EFCAB5: variants seen among roughly 807,000 people sequenced by gnomAD.
EFCAB5 encodes the protein EF-hand calcium binding domain 5.
EFCAB5 carries 131 observed loss-of-function variants against 167.9 expected under a neutral mutation model. That is an observed-to-expected ratio of 0.78 (90% confidence interval 0.68 to 0.90). The LOEUF is 0.90. Ranked by LOEUF, EFCAB5 falls within the 40% of genes least tolerant of loss-of-function variation. The pLI is 0.00. For missense variants in EFCAB5, 1,663 were observed against 1,745.2 expected (o/e 0.95, Z 0.84); for synonymous variants, 574 against 602.8 (o/e 0.95, Z 0.70).
At chr17:30,050,201 C>G (rs2070049276) in intron 8 of EFCAB5, among the ~76,000 whole-genome samples, 1 of 151,046 alleles carries the variant, frequency 6.6e-6, no homozygotes, top group African/African-American at 2.4e-5. Context: ...ATGGCATGAT[C>G]TCTGTTCACC....
intron 18 of EFCAB5, among the ~76,000 whole-genome samples, chr17:30,086,654 A>T (rs1421917381): frequency 6.6e-6 from 1 of 152,092 alleles, no homozygotes; most frequent in East Asian, 1.9e-4. Flanking sequence ...GCACTTTGGG[A>T]GGCCAAGGCA....
chr17:30,058,626 A>G (rs1165546232), intron 13 of EFCAB5, among the ~76,000 whole-genome samples: 1 of 152,174 alleles, frequency 6.6e-6, no homozygotes, highest in African/African-American at 2.4e-5. Flanking sequence ...AAATATAGTC[A>G]ATCTTAAATA....
intron 4 of EFCAB5, among the ~76,000 whole-genome samples, chr17:29,986,962 G>A (rs536693203): frequency 2.8e-4 from 42 of 152,040 alleles, no homozygotes; most frequent in Non-Finnish European, 2.5e-4. Context: ...TATTCATTTT[G>A]ATAAATACTG....
Position 30,082,390 on chromosome 17 carries a change from CTTTT to C in EFCAB5, c.3427-482_3427-479del, listed in dbSNP as rs71138871. ...TATGTGGGTCTCTCTCTTTATACCT[CTTTT>C]TTTTTTTTTTTTTTTTTTGTGAGAC... On this transcript the variant is annotated intron_variant, in intron 17 of 22. Coordinates refer to ENST00000394835, the MANE Select transcript of EFCAB5 (RefSeq NM_198529.4). Among the ~76,000 whole-genome samples the C allele has an allele frequency of 1.3e-4, 13 of 98,246 alleles. No homozygotes were observed. The South Asian group carries it at 2.5e-3, about 19-fold the overall frequency. The allele number at this position is 98,246 out of a possible 152,430, so 64.5% of individuals were successfully genotyped here.
chr17:30,104,818 G>A (rs2071427248), intron 22 of EFCAB5, among the ~76,000 whole-genome samples: 1 of 152,142 alleles, frequency 6.6e-6, no homozygotes. Flanking sequence ...GACACTTTCG[G>A]AGCTTCTGTC....
chr17:29,933,664 A>G (rs139359812), intron 1 of EFCAB5, among the ~76,000 whole-genome samples: 2 of 152,304 alleles, frequency 1.3e-5, no homozygotes, highest in African/African-American at 2.4e-5. Context: ...CTTAACTTGT[A>G]TCAATACTTC....
chr17:29,976,543 A>T (rs763784148), intron 4 of EFCAB5, among the ~76,000 whole-genome samples: 1 of 152,282 alleles, frequency 6.6e-6, no homozygotes, highest in South Asian at 2.1e-4. Context: ...CCTAATCCCT[A>T]TCGACTTAAA....
At chr17:29,932,312 G>A (rs569608471) in intron 1 of EFCAB5, among the ~76,000 whole-genome samples, 9 of 150,804 alleles carry the variant, frequency 6.0e-5, no homozygotes, top group South Asian at 2.1e-4. Flanking sequence ...CACCACACCC[G>A]GCTAGTTTTT....
chr17:29,944,785 G>A (rs771522826), intron 3 of EFCAB5, among the ~76,000 whole-genome samples: 16 of 151,736 alleles, frequency 1.1e-4, no homozygotes, highest in African/African-American at 3.4e-4. Flanking sequence ...CATCACACCC[G>A]GCTAAGTTTG....
intron 22 of EFCAB5, among the ~76,000 whole-genome samples, chr17:30,096,671 ATATATATTT>A (rs1476439424): frequency 2.6e-3 from 158 of 60,894 alleles, no homozygotes; most frequent in African/African-American, 0.01. Context: ...ATATATATAT[ATATATATTT>A]TTTTTTTTTT....
chr17:29,950,076 G>C (rs1391374051), intron 3 of EFCAB5, among the ~76,000 whole-genome samples: 1 of 152,116 alleles, frequency 6.6e-6, no homozygotes, highest in South Asian at 2.1e-4. Flanking sequence ...AACACAGTTT[G>C]AATTGCATGG....
At chr17:30,097,457 C>G (rs1236301075) in intron 22 of EFCAB5, among the ~76,000 whole-genome samples, 1 of 152,234 alleles carries the variant, frequency 6.6e-6, no homozygotes, top group Non-Finnish European at 1.5e-5. Context: ...TCCCCCTCGC[C>G]AGGGGCAACC....
At chr17:30,079,589 T>C (rs1192606783) in intron 15 of EFCAB5, among the ~76,000 whole-genome samples, 5 of 152,178 alleles carry the variant, frequency 3.3e-5, no homozygotes, top group Non-Finnish European at 5.9e-5. Context: ...CTTCCTGAAA[T>C]TACATAGATC....
intron 7 of EFCAB5, among the ~76,000 whole-genome samples, chr17:30,016,406 C>A (rs181640500): frequency 1.3e-3 from 199 of 152,088 alleles, no homozygotes; most frequent in Middle Eastern, 3.4e-3. Context: ...GTCTTTGATC[C>A]ACTTTGAGTT....
intron 8 of EFCAB5, among the ~76,000 whole-genome samples, chr17:30,036,628 A>G (rs1185406479): frequency 6.6e-6 from 1 of 151,928 alleles, no homozygotes; most frequent in Non-Finnish European, 1.5e-5. Flanking sequence ...GAGTCCCACT[A>G]TGTTGCCCAG....
At chr17:29,987,174 G>A (rs2068305814) in intron 4 of EFCAB5, among the ~76,000 whole-genome samples, 1 of 152,106 alleles carries the variant, frequency 6.6e-6, no homozygotes, top group Non-Finnish European at 1.5e-5. Context: ...CTTTCCTCAG[G>A]TTTTCTTCCA....
At chr17:30,066,322 A>G (rs1170688429) in intron 14 of EFCAB5, among the ~76,000 whole-genome samples, 1 of 152,232 alleles carries the variant, frequency 6.6e-6, no homozygotes, top group Non-Finnish European at 1.5e-5. Context: ...GTTAAACAAC[A>G]TGCTCCCGAA....
At chr17:29,963,867 C>A (rs1470403233) in intron 3 of EFCAB5, among the ~76,000 whole-genome samples, 2 of 152,070 alleles carry the variant, frequency 1.3e-5, no homozygotes, top group Non-Finnish European at 2.9e-5. Context: ...GCTGTTCTTG[C>A]AGTAATGAGT....
intron 7 of EFCAB5, among the ~76,000 whole-genome samples, chr17:30,014,425 G>A (rs2068981782): frequency 6.6e-6 from 1 of 152,114 alleles, no homozygotes; most frequent in East Asian, 1.9e-4. Flanking sequence ...TTATTATTGT[G>A]TGGGAGTCTA....
Sources: gnomAD v4.1 joint callset for allele counts (sites outside exome capture counted in the v4.1 genomes callset) on GRCh38, gnomAD v4.1.1 for gene constraint, MANE v1.5 for transcripts, NCBI Gene and HGNC (gene_info 2026-07-23, HGNC 2026-07-21) for gene names.